The following FRK variants were observed in gnomAD, a reference collection of about 807,000 sequenced individuals.
FRK encodes the protein tyrosine-protein kinase FRK.
In FRK, 51 loss-of-function variants were observed where a neutral mutation model predicts 56.4. The ratio of observed to expected loss-of-function variants is 0.90; its 90% CI spans 0.72 to 1.14. The LOEUF (loss-of-function observed/expected upper bound fraction) is 1.14, where lower values mean the gene tolerates loss of function less well. Among genes scored for constraint, FRK ranks in the 50% most tolerant of loss-of-function variants. FRK has a pLI of 0.00. For synonymous variants in FRK, 245 were observed against 217.9 expected (o/e 1.12, Z -1.10); for missense variants, 570 against 601.4 (o/e 0.95, Z 0.55).
the FRK span, among the ~76,000 whole-genome samples, chr6:116,081,898 C>T: frequency 6.6e-6 from 1 of 152,014 alleles, no homozygotes; most frequent in African/African-American, 2.4e-5. Context: ...TGGAGATTTA[C>T]ATTATAGTGG....
In FRK at chr6:115,942,567, T is replaced by C; in HGVS notation, c.1365A>G (p.Pro455=). The change falls in exon 8 of 8, where the codon CCA becomes CCG. Residue 455 remains proline (P), a synonymous_variant. Transcript: ENST00000606080. The stretch of plus-strand genomic sequence containing the variant: ...TGTAAAATTGCTGTGGACAGTTGGA[T>C]GGTTGCGGAAGTCTATAGTTTTGAG... ...MLAQNYRLPQ[P]SNCPQQFYNI... is the part of the protein sequence containing the mutation. 1 of 1,613,828 alleles carries C rather than the reference T, an allele frequency of 6.2e-7. No homozygotes were observed. Among genetic ancestry groups the C allele is most frequent in the Non-Finnish European group, 8.5e-7 (1 of 1,179,800 alleles).
chr6:116,003,831 G>A (rs765870792), intron 2 of FRK, 46 bp downstream of exon 2: 3 of 1,601,982 alleles, frequency 1.9e-6, no homozygotes, highest in Admixed American at 1.7e-5. Flanking sequence ...GCTCATGACT[G>A]CAGACTCTCA....
intron 2 of FRK, among the ~76,000 whole-genome samples, chr6:115,997,335 A>C (rs1340570816): frequency 6.6e-6 from 1 of 152,100 alleles, no homozygotes; most frequent in Non-Finnish European, 1.5e-5. Context: ...ACAAACTACT[A>C]TTATAAAAGT....
At chr6:116,018,855 A>G (rs1448923958) in intron 1 of FRK, among the ~76,000 whole-genome samples, 3 of 152,166 alleles carry the variant, frequency 2.0e-5, no homozygotes, top group Admixed American at 2.0e-4. Flanking sequence ...GTGACCCAGG[A>G]AAGGATTTTA....
intron 4 of FRK, among the ~76,000 whole-genome samples, chr6:115,959,466 C>A (rs561447564): frequency 6.6e-6 from 1 of 152,134 alleles, no homozygotes; most frequent in African/African-American, 2.4e-5. Flanking sequence ...CATTTATTAA[C>A]AAGATTAGGG....
At chr6:116,021,715 G>A (rs1775878446) in intron 1 of FRK, among the ~76,000 whole-genome samples, 1 of 151,990 alleles carries the variant, frequency 6.6e-6, no homozygotes, top group Non-Finnish European at 1.5e-5. Flanking sequence ...TTCTTAGCAT[G>A]CCCTAATGCA....
At chr6:116,013,998 A>C (rs1395957398) in intron 1 of FRK, among the ~76,000 whole-genome samples, 1 of 152,208 alleles carries the variant, frequency 6.6e-6, no homozygotes, top group African/African-American at 2.4e-5. Context: ...ATCAGAAAAG[A>C]CACCAGCAAA....
chr6:115,956,151 G>T (rs559194193), intron 5 of FRK, among the ~76,000 whole-genome samples: 1 of 152,138 alleles, frequency 6.6e-6, no homozygotes, highest in African/African-American at 2.4e-5. Flanking sequence ...AGGAAATAAA[G>T]CATCATGCAA....
intron 4 of FRK, among the ~76,000 whole-genome samples, chr6:115,966,423 T>C (rs1316011902): frequency 6.6e-6 from 1 of 152,208 alleles, no homozygotes; most frequent in Admixed American, 6.5e-5. Context: ...TTGTACAATA[T>C]TCAGGATGTT....
At chr6:116,025,358 T>C (rs1776049412) in intron 1 of FRK, among the ~76,000 whole-genome samples, 2 of 152,178 alleles carry the variant, frequency 1.3e-5, no homozygotes, top group Admixed American at 1.3e-4. Context: ...AAAAGATATA[T>C]TCAGATTGAA....
At chr6:116,041,170 T>G (rs141547458) in intron 1 of FRK, among the ~76,000 whole-genome samples, 110 of 152,348 alleles carry the variant, frequency 7.2e-4, no homozygotes, top group African/African-American at 2.6e-3. Context: ...TCAAAGTGAT[T>G]CATCATCAAA....
chr6:116,080,128 G>GA, the FRK span, among the ~76,000 whole-genome samples: 1 of 152,008 alleles, frequency 6.6e-6, no homozygotes, highest in Non-Finnish European at 1.5e-5. Context: ...GAAAATATAA[G>GA]AAAAATGTTT....
intron 7 of FRK, 120 bp downstream of exon 7, chr6:115,942,900 C>A: frequency 1.0e-6 from 1 of 967,386 alleles, no homozygotes; most frequent in Non-Finnish European, 1.5e-6. Context: ...TATCAAGCTC[C>A]CGCAGGTATG....
intron 1 of FRK, among the ~76,000 whole-genome samples, chr6:116,020,464 T>C (rs1775833816): frequency 6.6e-6 from 1 of 152,098 alleles, no homozygotes; most frequent in Non-Finnish European, 1.5e-5. Flanking sequence ...GCTAATTTTG[T>C]ATTTTTAGTA....
intron 2 of FRK, among the ~76,000 whole-genome samples, chr6:115,990,864 G>A (rs942897488): frequency 9.9e-5 from 15 of 151,882 alleles, no homozygotes. Context: ...GCCTTGGGCA[G>A]TATAGTCATT....
rs932350294 is a variant in FRK at position 115,933,323 on chromosome 6, A to G, written c.*9091T>C. On this transcript the variant is annotated 3_prime_UTR_variant, in exon 8 of 8. Transcript: ENST00000606080. The stretch of plus-strand genomic sequence containing the variant: ...CAATTTATGGGAGGTAAATTTAAGA[A>G]GAGCTGGCTCATTGTAGGAAAATTC... 2.6e-5 allele frequency: 4 copies of G among 152,250 alleles called. No homozygotes were observed. Among genetic ancestry groups the G allele is most frequent in the African/African-American group, 4.8e-5 (2 of 41,474 alleles). 9.4% of individuals were successfully genotyped at this position (152,250 alleles called of 1,614,324 possible). A position where few individuals can be genotyped will look rare whatever the true frequency, so the allele number is the denominator to read the frequency against.
intron 1 of FRK, among the ~76,000 whole-genome samples, chr6:116,007,567 T>C (rs756998306): frequency 6.6e-6 from 1 of 152,186 alleles, no homozygotes; most frequent in Non-Finnish European, 1.5e-5. Flanking sequence ...AAGAACACCA[T>C]GTATTTTGGT....
rs1413752317 is a variant in FRK at position 115,931,878 on chromosome 6, A to G, written c.*10536T>C. On this transcript the variant is annotated 3_prime_UTR_variant, in exon 8 of 8. Transcript: ENST00000606080. ...CAACTTCTGGTTATTAGGTAATATGACTTGAATCCTCTGCATGGTAATACT... is the reference window on the plus strand; with the variant it reads ...CAACTTCTGGTTATTAGGTAATATGGCTTGAATCCTCTGCATGGTAATACT... 6.6e-6 allele frequency: 1 copy of G among 152,192 alleles called. No homozygotes were observed. Among genetic ancestry groups the G allele is most frequent in the Non-Finnish European group, 1.5e-5 (1 of 68,028 alleles). The allele number at this position is 152,192 out of a possible 1,614,324, so 9.4% of individuals were successfully genotyped here.
chr6:115,966,002 T>C (rs1773553240), intron 4 of FRK, among the ~76,000 whole-genome samples: 1 of 112,748 alleles, frequency 8.9e-6, no homozygotes, highest in Non-Finnish European at 1.8e-5. Context: ...TATACATATG[T>C]AACTAACCTG....
Sources: allele counts gnomAD v4.1 joint callset (sites outside exome capture counted in the v4.1 genomes callset), GRCh38; gene constraint gnomAD v4.1.1; transcripts MANE v1.5; gene names NCBI Gene and HGNC (gene_info 2026-07-23, HGNC 2026-07-21).